OSBPL1A: variants seen among roughly 807,000 people sequenced by gnomAD.
The protein encoded by OSBPL1A is oxysterol-binding protein-related protein 1.
In OSBPL1A, 80 loss-of-function variants were observed where a neutral mutation model predicts 137.1. The observed-to-expected ratio is 0.58, with a 90% CI of 0.49 to 0.70. OSBPL1A has a LOEUF of 0.70. Ranked by LOEUF, OSBPL1A falls within the 30% of genes least tolerant of loss-of-function variation. The pLI, the probability that OSBPL1A is intolerant of heterozygous loss-of-function variation, is 0.00. For missense variants in OSBPL1A, 970 were observed against 1,129.4 expected, an observed-to-expected ratio of 0.86 and a Z score of 2.02; for synonymous variants, 365 against 389.7, an observed-to-expected ratio of 0.94 and a Z score of 0.75.
intron 23 of OSBPL1A, among the ~76,000 whole-genome samples, chr18:24,171,180 T>C (rs762461944): frequency 5.9e-5 from 9 of 151,754 alleles, no homozygotes; most frequent in Non-Finnish European, 8.8e-5. Flanking sequence ...ATTACAGGTG[T>C]CCACCACCAT....
intron 7 of OSBPL1A, chr18:24,321,860 G>A (rs2090866794): frequency 2.7e-6 from 1 of 375,598 alleles, no homozygotes; most frequent in Admixed American, 3.7e-5. Flanking sequence ...AGTTCTGGAG[G>A]AGGGTGATGG....
intron 13 of OSBPL1A, among the ~76,000 whole-genome samples, chr18:24,307,100 AAAAAACAAAAAC>A (rs2090518932): frequency 1.3e-5 from 2 of 151,688 alleles, no homozygotes; most frequent in Non-Finnish European, 2.9e-5. Context: ...TACAAAAAAA[AAAAAACAAAAAC>A]AAAAACAAAA....
At chr18:24,173,940 T>G (rs1019249421) in intron 21 of OSBPL1A, among the ~76,000 whole-genome samples, 2 of 152,232 alleles carry the variant, frequency 1.3e-5, no homozygotes, top group Admixed American at 6.5e-5. Context: ...CCCCAACAAC[T>G]GATCTGTTCT....
At chr18:24,320,829 A>C (rs2090834569) in intron 7 of OSBPL1A, among the ~76,000 whole-genome samples, 1 of 151,998 alleles carries the variant, frequency 6.6e-6, no homozygotes, top group Non-Finnish European at 1.5e-5. Context: ...GGAGTTCGAG[A>C]CCAGCCTGGC....
At chr18:24,388,955 C>G (rs1199350179) in intron 1 of OSBPL1A, among the ~76,000 whole-genome samples, 1 of 152,064 alleles carries the variant, frequency 6.6e-6, no homozygotes, top group Non-Finnish European at 1.5e-5. Context: ...CTAAAAGGTA[C>G]ATTTAGAAGA....
rs1408310982 is a variant in OSBPL1A at position 24,250,178 on chromosome 18, G to GTTT, written c.1282-10799_1282-10797dup. Among the ~76,000 whole-genome samples the GTTT allele has an allele frequency of 9.9e-4, 79 of 79,562 alleles. 3 individuals are homozygous for GTTT. The highest frequency in any genetic ancestry group is 2.8e-3 in the African/African-American group (62 of 21,992). 52.2% of individuals were successfully genotyped at this position (79,562 alleles called of 152,430 possible). On this transcript the variant is annotated intron_variant, in intron 15 of 27. Transcript: ENST00000319481. ...TTTTTGTTTGTTTGTTTGTTTGTTT[G>GTTT]TTTGTTTGTTTTTTTTGACATGGAG...
At chr18:24,383,311 T>C (rs1906738533) in intron 1 of OSBPL1A, among the ~76,000 whole-genome samples, 1 of 152,212 alleles carries the variant, frequency 6.6e-6, no homozygotes, top group Admixed American at 6.5e-5. Flanking sequence ...TTTCATGCCT[T>C]TAAAGAATGA....
At chr18:24,283,889 G>C (rs1291866592) in intron 14 of OSBPL1A, among the ~76,000 whole-genome samples, 3 of 151,852 alleles carry the variant, frequency 2.0e-5, no homozygotes, top group African/African-American at 7.3e-5. Flanking sequence ...ACATGCTTAG[G>C]AATACTTACA....
chr18:24,320,322 C>G (rs1272186889), intron 7 of OSBPL1A, among the ~76,000 whole-genome samples: 2 of 152,110 alleles, frequency 1.3e-5, no homozygotes, highest in African/African-American at 2.4e-5. Context: ...CTTAAAGATA[C>G]AGCAGACAAT....
At chr18:24,321,028 C>CAAA (rs368453121) in intron 7 of OSBPL1A, among the ~76,000 whole-genome samples, 59 of 68,240 alleles carry the variant, frequency 8.6e-4, no homozygotes, top group Admixed American at 1.9e-3. Flanking sequence ...GACTTCGTCT[C>CAAA]AAAAAAAAAA....
chr18:24,245,632 C>A (rs2088858643), intron 15 of OSBPL1A, among the ~76,000 whole-genome samples: 1 of 152,124 alleles, frequency 6.6e-6, no homozygotes, highest in African/African-American at 2.4e-5. Context: ...CATGGCCAGG[C>A]TGAATTACTC....
At chr18:24,252,460 T>G (rs566019307) in intron 15 of OSBPL1A, among the ~76,000 whole-genome samples, 1 of 151,818 alleles carries the variant, frequency 6.6e-6, no homozygotes. Flanking sequence ...TACCCTAGAA[T>G]AGTATATCTT....
rs543608855 is a variant in OSBPL1A at position 24,354,915 on chromosome 18, C to T, written c.282+11977G>A. On this transcript the variant is annotated intron_variant, in intron 4 of 27. Coordinates refer to ENST00000319481, the MANE Select transcript of OSBPL1A (RefSeq NM_080597.4). ...ACTGTTCCCTGCTGAACCTGCCACT[C>T]ATTACCATAACTGTGCCCCCCTGGC... 2.3e-3 allele frequency among the ~76,000 whole-genome samples: 352 copies of T among 152,232 alleles called. 2 individuals carry two copies. The highest frequency in any genetic ancestry group is 2.5e-3 in the Admixed American group (38 of 15,280).
chr18:24,366,693 G>A (rs1012242550), intron 4 of OSBPL1A, 199 bp downstream of exon 4: 13 of 425,450 alleles, frequency 3.1e-5, no homozygotes, highest in African/African-American at 6.1e-5. Flanking sequence ...GCTACAGAGT[G>A]GGGGTCTCCA....
intron 4 of OSBPL1A, chr18:24,358,161 T>G: frequency 2.4e-6 from 1 of 419,906 alleles, no homozygotes; most frequent in East Asian, 4.0e-5. Flanking sequence ...TTGTCCAATT[T>G]TTATGGTAAA....
intron 16 of OSBPL1A, among the ~76,000 whole-genome samples, chr18:24,233,443 A>C (rs1480846882): frequency 1.3e-5 from 2 of 152,154 alleles, no homozygotes; most frequent in Admixed American, 6.6e-5. Flanking sequence ...TAGATGCATA[A>C]AATCACCATG....
At chr18:24,217,907 AG>A (rs2087758754) in intron 17 of OSBPL1A, among the ~76,000 whole-genome samples, 1 of 151,936 alleles carries the variant, frequency 6.6e-6, no homozygotes, top group Admixed American at 6.6e-5. Context: ...CAGGAAATTC[AG>A]GAGTAAAAGA....
chr18:24,324,147 G>A lies in OSBPL1A; in HGVS notation c.626-5338C>T, dbSNP rs1470052441. 1.1e-4 allele frequency among the ~76,000 whole-genome samples: 8 copies of A among 72,638 alleles called. 4 individuals carry two copies. Among genetic ancestry groups the A allele is most frequent in the Non-Finnish European group, 1.7e-4 (6 of 35,812 alleles). The allele number at this position is 72,638 out of a possible 152,430, so 47.7% of individuals were successfully genotyped here. A position where few individuals can be genotyped will look rare whatever the true frequency, so the allele number is the denominator to read the frequency against. On this transcript the variant is annotated intron_variant, in intron 7 of 27. Coordinates refer to ENST00000319481, the MANE Select transcript of OSBPL1A (RefSeq NM_080597.4). ...CTGAGGCAGAGAACTGCTTGAACCC[G>A]GGAGGCGGAGGTTGCAGTGAGCTGA...
intron 14 of OSBPL1A, among the ~76,000 whole-genome samples, chr18:24,294,477 G>A (rs981012827): frequency 2.0e-5 from 3 of 151,816 alleles, no homozygotes; most frequent in African/African-American, 4.8e-5. Context: ...CAGGTGATCC[G>A]CCCGACTCAG....
Sources: allele counts gnomAD v4.1 joint callset (sites outside exome capture counted in the v4.1 genomes callset), GRCh38; gene constraint gnomAD v4.1.1; transcripts MANE v1.5; gene names NCBI Gene and HGNC (gene_info 2026-07-23, HGNC 2026-07-21).